ANGPTL5: variants seen among roughly 807,000 people sequenced by gnomAD.
ANGPTL5 encodes the protein angiopoietin like 5.
Under a neutral mutation model 39.4 loss-of-function variants are expected in ANGPTL5, and 34 were observed. That is an observed-to-expected ratio of 0.86 (90% CI 0.66 to 1.15). The LOEUF (loss-of-function observed/expected upper bound fraction) is 1.15. Ranked by LOEUF, ANGPTL5 falls within the 50% of genes most tolerant of loss-of-function variation. The pLI, the probability that ANGPTL5 is intolerant of heterozygous loss-of-function variation, is 0.00. For missense variants in ANGPTL5, 467 were observed against 457.5 expected, an observed-to-expected ratio of 1.02 and a Z score of -0.19; for synonymous variants, 146 against 152.1, an observed-to-expected ratio of 0.96 and a Z score of 0.29.
Position 101,907,166 on chromosome 11 carries a change from C to A in ANGPTL5, c.178G>T (p.Asp60Tyr). ...TTAACATCACATGATTCCTCACAGT[C>A]TTCCTTACAAACAGTATCATTACTT... ...SKSNDTVCKE[D>Y]CEESCDVKTK... The change falls in exon 3 of 9, where the codon GAC (aspartate) becomes TAC (tyrosine). Residue 60 changes from aspartate to tyrosine, a missense_variant. By Grantham distance (160) the Asp-to-Tyr change is radical. Coordinates refer to ENST00000334289, the MANE Select transcript of ANGPTL5 (RefSeq NM_178127.5). 1 of 1,591,514 alleles carries A rather than the reference C, an allele frequency of 6.3e-7. No homozygotes were observed. The highest frequency in any genetic ancestry group is 1.1e-5 in the South Asian group (1 of 89,820).
At chr11:101,908,780 C>CAAAAAAAAAAAAAAA (rs59041644) in intron 1 of ANGPTL5, among the ~76,000 whole-genome samples, 94 of 64,972 alleles carry the variant, frequency 1.4e-3, no homozygotes, top group African/African-American at 4.4e-3. Flanking sequence ...GACTCCATCT[C>CAAAAAAAAAAAAAAA]AAAAAAAAAA....
Position 101,904,796 on chromosome 11 carries a change from A to C in ANGPTL5, c.439+18T>G. On this transcript the variant is annotated intron_variant, in intron 5 of 8. Transcript: ENST00000334289. The stretch of plus-strand genomic sequence containing the variant: ...ATAAAAGACAAACATGAAAAGGCTG[A>C]AATACCAAAGTTCTCACCATGTGAC... The C allele has an allele frequency of 6.2e-7, 1 of 1,602,170 alleles. No homozygotes were observed. Among genetic ancestry groups the C allele is most frequent in the Non-Finnish European group, 8.6e-7 (1 of 1,169,268 alleles).
chr11:101,906,972 A>G, intron 3 of ANGPTL5, 131 bp downstream of exon 3: 1 of 680,510 alleles, frequency 1.5e-6, no homozygotes, highest in Non-Finnish European at 2.4e-6. Flanking sequence ...CCAAACAATA[A>G]AGCTTCTGGC....
At chr11:101,904,259 A>G (rs1048821398) in intron 5 of ANGPTL5, among the ~76,000 whole-genome samples, 2 of 152,090 alleles carry the variant, frequency 1.3e-5, no homozygotes, top group African/African-American at 4.8e-5. Context: ...AATAATATTT[A>G]TTTGCTTTAA....
intron 1 of ANGPTL5, among the ~76,000 whole-genome samples, chr11:101,915,686 G>A (rs1565345904): frequency 6.6e-6 from 1 of 152,236 alleles, no homozygotes; most frequent in Non-Finnish European, 1.5e-5. Context: ...CACATCAACT[G>A]TGTATTCTGT....
chr11:101,904,133 T>C (rs1388273911), intron 5 of ANGPTL5, among the ~76,000 whole-genome samples: 2 of 152,130 alleles, frequency 1.3e-5, no homozygotes, highest in Non-Finnish European at 2.9e-5. Flanking sequence ...ATAATTTTAA[T>C]AACAAAATAA....
chr11:101,903,404 A>G (rs1307140804), intron 5 of ANGPTL5, among the ~76,000 whole-genome samples: 1 of 152,174 alleles, frequency 6.6e-6, no homozygotes, highest in Non-Finnish European at 1.5e-5. Context: ...ACTCTGTAGC[A>G]TCTTTTATAA....
rs1939876295 is a variant in ANGPTL5, at chr11:101,900,563, C to T, written c.541-13G>A. The T allele has an allele frequency of 1.2e-6, 2 of 1,605,946 alleles. No homozygotes were observed. Among genetic ancestry groups the T allele is most frequent in the African/African-American group, 1.3e-5 (1 of 74,702 alleles). ...TGTCACACATTACCTAAAATAAGCACAGAGAAGACCAAAATAATACACTAT... is the reference window on the plus strand; with the variant it reads ...TGTCACACATTACCTAAAATAAGCATAGAGAAGACCAAAATAATACACTAT... On this transcript the variant is annotated splice_polypyrimidine_tract_variant and intron_variant, in intron 6 of 8. Transcript: ENST00000334289.
At position 101,913,712 on chromosome 11, in the gene ANGPTL5, A is replaced by G. The variant is rs150283406; in HGVS notation, c.-93+2307T>C. The stretch of plus-strand genomic sequence containing the variant: ...TATAGCAAAAGCTGGACTTCTGGAA[A>G]GCTAACCATGCCTAAATATTCCAAA... On this transcript the variant is annotated intron_variant, in intron 1 of 8. Transcript: ENST00000334289. Among the ~76,000 whole-genome samples the G allele has an allele frequency of 1.3e-3, 195 of 152,320 alleles. 1 individual carries two copies. The highest frequency in any genetic ancestry group is 4.5e-3 in the African/African-American group (185 of 41,560).
intron 8 of ANGPTL5, 31 bp downstream of exon 8, chr11:101,894,848 T>C (rs761429846): frequency 6.4e-6 from 10 of 1,551,010 alleles, no homozygotes; most frequent in Non-Finnish European, 8.0e-6. Context: ...AATTTAGATC[T>C]GGATAATTTT....
At chr11:101,914,146 G>A (rs942173477) in intron 1 of ANGPTL5, among the ~76,000 whole-genome samples, 1 of 152,158 alleles carries the variant, frequency 6.6e-6, no homozygotes, top group Admixed American at 6.5e-5. Flanking sequence ...AATTCACAAA[G>A]GCAGAGACAT....
At chr11:101,912,883 C>A (rs1268915642) in intron 1 of ANGPTL5, among the ~76,000 whole-genome samples, 1 of 152,212 alleles carries the variant, frequency 6.6e-6, no homozygotes, top group Non-Finnish European at 1.5e-5. Context: ...ACTGACGGAA[C>A]AGACACTTGG....
chr11:101,915,774 A>G (rs541712044), intron 1 of ANGPTL5, among the ~76,000 whole-genome samples: 36 of 152,350 alleles, frequency 2.4e-4, no homozygotes, highest in African/African-American at 8.7e-4. Context: ...TGGAGAGAGA[A>G]ATTACACAAA....
At chr11:101,907,723 G>T in intron 2 of ANGPTL5, 91 bp downstream of exon 2, 1 of 813,356 alleles carries the variant, frequency 1.2e-6, no homozygotes, top group Admixed American at 2.3e-5. Flanking sequence ...ATTATATTTG[G>T]TAGTTATGAT....
In ANGPTL5 at chr11:101,907,976, A is replaced by T; in HGVS notation, c.-67T>A. 8.4e-7 allele frequency: 1 copy of T among 1,190,820 alleles called. No individual in the cohort carries two copies. The highest frequency in any genetic ancestry group is 1.2e-6 in the Non-Finnish European group (1 of 808,592). The allele number at this position is 1,190,820 out of a possible 1,614,324, so 73.8% of individuals were successfully genotyped here. On this transcript the variant is annotated 5_prime_UTR_variant, in exon 2 of 9. Transcript: ENST00000334289. ...CAGCTCTTTGTGGAAAGAACTACAG[A>T]GCATAGAGTCTTCAGTTAAAAACCT...
chr11:101,894,922 C>G lies in ANGPTL5; in HGVS notation c.804G>C (p.Thr268=). ...GTCCTAAGTGCATTTTAAAAAATCTCGTTTCATCCTCTAGCCAAAAATTAT... is the reference window on the plus strand; with the variant it reads ...GTCCTAAGTGCATTTTAAAAAATCTGGTTTCATCCTCTAGCCAAAAATTAT... ...SYDNFWLEDE[T]RFFKMHLGRY... is the part of the protein sequence containing the mutation. The change falls in exon 8 of 9, where the codon ACG becomes ACC. Residue 268 remains threonine (T), a synonymous_variant. Coordinates refer to ENST00000334289, the MANE Select transcript of ANGPTL5 (RefSeq NM_178127.5). 6.2e-7 allele frequency: 1 copy of G among 1,613,446 alleles called. No homozygotes were observed.
intron 1 of ANGPTL5, among the ~76,000 whole-genome samples, chr11:101,910,903 G>A (rs10895220): frequency 0.33 from 49,716 of 151,530 alleles, 8,869 homozygotes; most frequent in East Asian, 0.46. Context: ...CTCTTTAAAG[G>A]TTCAATAAAA....
chr11:101,898,922 T>C (rs753714794), intron 7 of ANGPTL5, among the ~76,000 whole-genome samples: 2 of 152,240 alleles, frequency 1.3e-5, no homozygotes, highest in African/African-American at 2.4e-5. Flanking sequence ...TCGTCATTGG[T>C]TCTGTTTATA....
chr11:101,900,915 G>C (rs1227420852), intron 6 of ANGPTL5, among the ~76,000 whole-genome samples: 3 of 150,540 alleles, frequency 2.0e-5, no homozygotes, highest in Non-Finnish European at 4.4e-5. Flanking sequence ...GCAGTGGCGC[G>C]ATCCCGGCTC....
Sources: gnomAD v4.1 joint callset for allele counts (sites outside exome capture counted in the v4.1 genomes callset) on GRCh38, gnomAD v4.1.1 for gene constraint, MANE v1.5 for transcripts, NCBI Gene and HGNC (gene_info 2026-07-23, HGNC 2026-07-21) for gene names.